ITGAV: variants seen among roughly 807,000 people sequenced by gnomAD.
ITGAV encodes integrin subunit alpha V, also known as integrin alpha-V.
Under a neutral mutation model 143.8 loss-of-function variants are expected in ITGAV, and 76 were observed. The ratio of observed to expected loss-of-function variants is 0.53; its 90% confidence interval spans 0.44 to 0.64. The LOEUF is 0.64. ITGAV is among the 30% of genes least tolerant of loss of function. ITGAV has a pLI of 0.00. For missense variants in ITGAV, 1,193 were observed against 1,274.7 expected (o/e 0.94, Z 0.98); for synonymous variants, 453 against 446.7 (o/e 1.01, Z -0.18).
intron 3 of ITGAV, among the ~76,000 whole-genome samples, chr2:186,622,643 T>A (rs13421683): frequency 0.014 from 2,153 of 152,320 alleles, 52 homozygotes; most frequent in African/African-American, 0.05. Context: ...TCACCCTTAT[T>A]CCTACTTTGT....
chr2:186,644,251 A>G (rs933571858), intron 12 of ITGAV, among the ~76,000 whole-genome samples: 1 of 151,568 alleles, frequency 6.6e-6, no homozygotes, highest in African/African-American at 2.4e-5. Flanking sequence ...GCCTGTTTTA[A>G]TAACTACTTT....
intron 26 of ITGAV, among the ~76,000 whole-genome samples, chr2:186,675,304 T>C (rs1267540589): frequency 6.6e-6 from 1 of 152,206 alleles, no homozygotes; most frequent in Non-Finnish European, 1.5e-5. Flanking sequence ...GTTCTAGTCA[T>C]AGAGTGAATC....
At chr2:186,603,827 CAT>C (rs1686981194) in intron 2 of ITGAV, among the ~76,000 whole-genome samples, 1 of 151,444 alleles carries the variant, frequency 6.6e-6, no homozygotes, top group African/African-American at 2.4e-5. Flanking sequence ...TACAATGAAA[CAT>C]ACAACTCACA....
intron 4 of ITGAV, among the ~76,000 whole-genome samples, chr2:186,628,108 C>T (rs1687722973): frequency 6.6e-6 from 1 of 152,108 alleles, no homozygotes; most frequent in Non-Finnish European, 1.5e-5. Flanking sequence ...GCCTTTGTTT[C>T]ATCATTGGTA....
chr2:186,610,082 C>T lies in ITGAV; in HGVS notation c.316+7931C>T, dbSNP rs528766706. On this transcript the variant is annotated intron_variant, in intron 2 of 29. Coordinates refer to ENST00000261023, the MANE Select transcript of ITGAV (RefSeq NM_002210.5). The stretch of plus-strand genomic sequence containing the variant: ...CAGATGAACTAATACTTTCAGTACC[C>T]GTCTTATTAATTTTCCTAGTCACTT... Among the ~76,000 whole-genome samples the T allele has an allele frequency of 5.3e-4, 80 of 151,970 alleles. 1 individual carries two copies. The Middle Eastern group carries it at 0.014, about 26-fold the overall frequency.
At position 186,664,606 on chromosome 2, in the gene ITGAV, C is replaced by G; in HGVS notation, c.2038C>G (p.Gln680Glu). ...TGAGCTCATCGTTTCCATTCCACTG[C>G]AGGCTGATTTCATCGGGGTTGTCCG... The part of the protein sequence containing the change: ...EAELIVSIPL[Q>E]ADFIGVVRNN... Residue 680 changes from glutamine to glutamate, a missense_variant, in exon 20 of 30, where the codon CAG becomes GAG. Coordinates refer to ENST00000261023, the MANE Select transcript of ITGAV (RefSeq NM_002210.5). 1.9e-6 allele frequency: 3 copies of G among 1,614,088 alleles called. No homozygotes were observed. Among genetic ancestry groups the G allele is most frequent in the Non-Finnish European group, 2.5e-6 (3 of 1,179,962 alleles).
intron 2 of ITGAV, among the ~76,000 whole-genome samples, chr2:186,621,690 G>C (rs1442634531): frequency 6.6e-6 from 1 of 152,172 alleles, no homozygotes; most frequent in Non-Finnish European, 1.5e-5. Flanking sequence ...CTGTAGGCAA[G>C]TAAACTTATA....
chr2:186,677,070 A>T, intron 29 of ITGAV, 127 bp from the exon 30 acceptor site: 1 of 1,210,834 alleles, frequency 8.3e-7, no homozygotes, highest in South Asian at 1.3e-5. Context: ...ATTACTTATT[A>T]TATGAGGGAA....
intron 4 of ITGAV, among the ~76,000 whole-genome samples, chr2:186,626,105 T>C (rs1687669697): frequency 6.6e-6 from 1 of 152,226 alleles, no homozygotes; most frequent in Non-Finnish European, 1.5e-5. Flanking sequence ...AAGATGAACA[T>C]TGAACTCAGG....
At chr2:186,667,644 G>A in intron 23 of ITGAV, 27 bp from the exon 24 acceptor site, 1 of 1,268,714 alleles carries the variant, frequency 7.9e-7, no homozygotes. Context: ...TGATATTCAT[G>A]GTAGGTTTTC....
intron 10 of ITGAV, among the ~76,000 whole-genome samples, chr2:186,640,033 TATC>T (rs973639918): frequency 3.3e-5 from 5 of 152,328 alleles, no homozygotes; most frequent in African/African-American, 1.2e-4. Flanking sequence ...GAATCTCCCT[TATC>T]ATTCTCCCTT....
chr2:186,676,141 G>T (rs1347257089), intron 28 of ITGAV: 7 of 440,798 alleles, frequency 1.6e-5, no homozygotes, highest in Middle Eastern at 6.0e-4. Flanking sequence ...ATCTTGTCCA[G>T]TGTAAGAGAT....
chr2:186,615,790 T>A (rs2105675742), intron 2 of ITGAV, among the ~76,000 whole-genome samples: 1 of 152,282 alleles, frequency 6.6e-6, no homozygotes, highest in East Asian at 1.9e-4. Context: ...GGTGTTTTTG[T>A]AGCACAAAAG....
chr2:186,621,642 A>G (rs539336228), intron 2 of ITGAV, among the ~76,000 whole-genome samples: 10 of 152,260 alleles, frequency 6.6e-5, no homozygotes, highest in Non-Finnish European at 1.5e-4. Context: ...TTTGTCTTTC[A>G]TGATATTGAC....
At chr2:186,658,559 A>G (rs1688651463) in intron 17 of ITGAV, among the ~76,000 whole-genome samples, 1 of 152,182 alleles carries the variant, frequency 6.6e-6, no homozygotes, top group Non-Finnish European at 1.5e-5. Context: ...AACTGAATGT[A>G]TATTTACATG....
chr2:186,659,404 G>A (rs528765791), intron 18 of ITGAV, among the ~76,000 whole-genome samples: 2 of 151,944 alleles, frequency 1.3e-5, no homozygotes, highest in South Asian at 2.1e-4. Flanking sequence ...GAGATATACA[G>A]AGAAAGACAT....
At chr2:186,625,339 T>C (rs1687642622) in intron 3 of ITGAV, 134 bp from the exon 4 acceptor site, 4 of 627,806 alleles carry the variant, frequency 6.4e-6, no homozygotes, top group Non-Finnish European at 2.8e-6. Context: ...GTCACTGCAC[T>C]CCAGCCTGGG....
At chr2:186,661,598 GTT>G (rs66835696) in intron 18 of ITGAV, among the ~76,000 whole-genome samples, 44 of 129,924 alleles carry the variant, frequency 3.4e-4, no homozygotes, top group East Asian at 1.3e-3. Context: ...TTTTGTTTTT[GTT>G]TTTTTTTTTT....
In ITGAV at chr2:186,590,368, C is replaced by T; in HGVS notation, c.30C>T (p.Arg10=). ...CTTTTCCGCCGCGGCGACGGCTGCG[C>T]CTCGGTCCCCGCGGCCTCCCGCTTC... MAFPPRRRL[R]LGPRGLPLLL... Residue 10 remains arginine (R), a synonymous_variant, in exon 1 of 30, where the codon CGC becomes CGT. Transcript: ENST00000261023. 2 of 1,591,180 alleles carry T rather than the reference C, an allele frequency of 1.3e-6. No homozygotes were observed. Among genetic ancestry groups the T allele is most frequent in the Non-Finnish European group, 1.7e-6 (2 of 1,170,762 alleles).
Sources: allele counts gnomAD v4.1 joint callset (sites outside exome capture counted in the v4.1 genomes callset), GRCh38; gene constraint gnomAD v4.1.1; transcripts MANE v1.5; gene names NCBI Gene and HGNC (gene_info 2026-07-23, HGNC 2026-07-21).